KIAA0586: variants seen among roughly 807,000 people sequenced by gnomAD.
KIAA0586 encodes the protein KIAA0586.
A neutral mutation model predicts 169.8 loss-of-function variants in KIAA0586; 144 were observed. The observed-to-expected ratio is 0.85, with a 90% CI of 0.74 to 0.97. The LOEUF is 0.97. Ranked by LOEUF, KIAA0586 falls within the 50% of genes least tolerant of loss-of-function variation. KIAA0586 has a pLI of 0.00. For synonymous variants in KIAA0586, 625 were observed against 612.4 expected, an observed-to-expected ratio of 1.02 and a Z score of -0.30; for missense variants, 1,854 against 1,823.0, an observed-to-expected ratio of 1.02 and a Z score of -0.31.
intron 14 of KIAA0586, among the ~76,000 whole-genome samples, chr14:58,465,162 T>C (rs2040647252): frequency 1.3e-5 from 2 of 152,204 alleles, no homozygotes; most frequent in African/African-American, 2.4e-5. Flanking sequence ...TCCTGGGTAA[T>C]TGAGACAGGG....
intron 17 of KIAA0586, among the ~76,000 whole-genome samples, chr14:58,471,032 A>T (rs986987499): frequency 6.6e-6 from 1 of 151,928 alleles, no homozygotes; most frequent in Admixed American, 6.6e-5. Flanking sequence ...TTGTATTTTT[A>T]GTAGAGATGG....
chr14:58,515,269 G>A (rs2044671605), intron 29 of KIAA0586, among the ~76,000 whole-genome samples: 1 of 151,846 alleles, frequency 6.6e-6, no homozygotes, highest in African/African-American at 2.4e-5. Flanking sequence ...AGTGCTAAAA[G>A]TAATAGGTGT....
Position 58,450,604 on chromosome 14 carries a change from G to A in KIAA0586, c.987G>A (p.Thr329=), listed in dbSNP as rs552791846. The A allele has an allele frequency of 3.8e-5, 61 of 1,607,570 alleles. 1 individual carries two copies. The highest frequency in any genetic ancestry group is 2.1e-4 in the African/African-American group (16 of 74,626). The change falls in exon 8 of 31, where the codon ACG becomes ACA. Residue 329 remains threonine (T), a synonymous_variant. Transcript: ENST00000652326. ...KQAPLKEVED[T]SFDKQKSPLE... ...CACCTTTAAAAGAAGTTGAAGATAC[G>A]AGTTTTGATAAACAGAAATCTCCTT...
intron 23 of KIAA0586, 70 bp from the exon 24 acceptor site, chr14:58,488,551 T>C: frequency 6.5e-7 from 1 of 1,540,844 alleles, no homozygotes; most frequent in Non-Finnish European, 8.8e-7. Context: ...TTCGAGTCTG[T>C]TTTTTATATC....
intron 14 of KIAA0586, among the ~76,000 whole-genome samples, chr14:58,464,375 G>A (rs566140980): frequency 3.3e-5 from 5 of 151,620 alleles, no homozygotes; most frequent in African/African-American, 1.2e-4. Flanking sequence ...ACCTTGGTCA[G>A]TTGTACTATT....
At chr14:58,552,915 A>G (rs899390862), downstream of KIAA0586, among the ~76,000 whole-genome samples, 1 of 152,210 alleles carries the variant, frequency 6.6e-6, no homozygotes, top group African/African-American at 2.4e-5. Flanking sequence ...TTTCCTGAAC[A>G]TGGACATTTT....
At chr14:58,486,029 A>G (rs1009006658) in intron 21 of KIAA0586, among the ~76,000 whole-genome samples, 7 of 152,150 alleles carry the variant, frequency 4.6e-5, no homozygotes, top group Non-Finnish European at 8.8e-5. Context: ...GGATTGTTAT[A>G]TGGATATACT....
chr14:58,556,110 A>T (rs1350314665), downstream of KIAA0586, among the ~76,000 whole-genome samples: 2 of 152,192 alleles, frequency 1.3e-5, no homozygotes, highest in Non-Finnish European at 2.9e-5. Flanking sequence ...AAAAATATCC[A>T]CTTTGTTTCT....
intron 27 of KIAA0586, among the ~76,000 whole-genome samples, chr14:58,501,425 C>T (rs1357134596): frequency 6.6e-6 from 1 of 152,178 alleles, no homozygotes; most frequent in Non-Finnish European, 1.5e-5. Context: ...GTGGCTCTCG[C>T]AGATCACTTG....
At chr14:58,485,614 G>T (rs1163756216) in intron 21 of KIAA0586, among the ~76,000 whole-genome samples, 1 of 152,150 alleles carries the variant, frequency 6.6e-6, no homozygotes, top group Admixed American at 6.5e-5. Flanking sequence ...CTGAGGAAGG[G>T]CTCTAGGTAG....
rs113632718 is a variant in KIAA0586, at chr14:58,524,873, A to G, written c.4429+12246A>G. Among the ~76,000 whole-genome samples the G allele has an allele frequency of 3.2e-3, 484 of 152,214 alleles. 4 individuals carry two copies. The highest frequency in any genetic ancestry group is 0.011 in the African/African-American group (464 of 41,544). On this transcript the variant is annotated intron_variant, in intron 29 of 30. Transcript: ENST00000652326. ...TGGGACTGCAGGTGCGTGCCACCAC[A>G]CCCAGCTATTTTTAGTAGAGATGGG...
In KIAA0586 at chr14:58,508,613, G is replaced by A. The variant is rs746899731; in HGVS notation, c.4227G>A (p.Glu1409=). Residue 1409 remains glutamate (E), a synonymous_variant, in exon 28 of 31, where the codon GAG becomes GAA. Transcript: ENST00000652326. ...GTCCAATGAGTTTGGGAGAATTGGA[G>A]TTGGAGCCAAATTCTAAGCTGGTTC... ...SHGPMSLGEL[E]LEPNSKLVLP... is the part of the protein sequence containing the mutation. The A allele has an allele frequency of 2.5e-6, 4 of 1,598,234 alleles. No individual in the cohort carries two copies. Among genetic ancestry groups the A allele is most frequent in the South Asian group, 1.1e-5 (1 of 88,166 alleles).
In KIAA0586 at chr14:58,514,863, A is replaced by G. The variant is rs1046669269; in HGVS notation, c.4429+2236A>G. Among the ~76,000 whole-genome samples, 8 of 152,036 alleles carry G rather than the reference A, an allele frequency of 5.3e-5. No individual in the cohort carries two copies. In the East Asian group the frequency reaches 1.2e-3, roughly 22 times the overall value. ...AAAAAGTATTTGAATGGTCATTTCT[A>G]TTTTTCCCCCTTTGCTGTACAAGTT... On this transcript the variant is annotated intron_variant, in intron 29 of 30. Transcript: ENST00000652326.
Position 58,458,531 on chromosome 14 carries a change from T to C in KIAA0586, c.1642T>C (p.Ser548Pro), listed in dbSNP as rs1317752180. ...KTVDEWIKTI[S>P]AEIQDELSRT... ...AGTGGATGAATGGATTAAAACTATT[T>C]CTGCAGAAATTCAGGTATGTCTTGG... Residue 548 changes from serine (S) to proline (P), a missense_variant, in exon 12 of 31, where the codon TCT (serine) becomes CCT (proline). Transcript: ENST00000652326. The C allele has an allele frequency of 2.0e-6, 3 of 1,535,770 alleles. No homozygotes were observed. The highest frequency in any genetic ancestry group is 8.8e-7 in the Non-Finnish European group (1 of 1,135,934).
At chr14:58,448,573 C>T in intron 7 of KIAA0586, 80 bp downstream of exon 7, 2 of 973,714 alleles carry the variant, frequency 2.1e-6, no homozygotes, top group Middle Eastern at 2.3e-4. Flanking sequence ...AAACATATTT[C>T]CTGAGCAGTA....
intron 23 of KIAA0586, among the ~76,000 whole-genome samples, 173 bp from the exon 24 acceptor site, chr14:58,488,448 G>T (rs1041314783): frequency 6.6e-6 from 1 of 151,922 alleles, no homozygotes; most frequent in African/African-American, 2.4e-5. Flanking sequence ...TTTCAAGATG[G>T]CCTATGATTA....
Position 58,472,205 on chromosome 14 carries a change from G to A in KIAA0586, c.2560G>A (p.Glu854Lys). 6.4e-7 allele frequency: 1 copy of A among 1,569,548 alleles called. No homozygotes were observed. The highest frequency in any genetic ancestry group is 2.3e-5 in the East Asian group (1 of 42,946). ...PPVQTWIKTP[E>K]IMKVDEEEVK... Reference sequence around the variant, plus strand: ...TCTGAAAATGCTTTCTTAGACTCCAGAAATTATGAAGGTAGATGAAGAAGA... The same window carrying A: ...TCTGAAAATGCTTTCTTAGACTCCAAAAATTATGAAGGTAGATGAAGAAGA... The change falls in exon 18 of 31, where the codon GAA (glutamate) becomes AAA (lysine). Residue 854 changes from glutamate (E) to lysine (K), a missense_variant. Glu to Lys is a moderately conservative substitution (Grantham distance 56, BLOSUM62 1). Coordinates refer to ENST00000652326, the MANE Select transcript of KIAA0586 (RefSeq NM_001329943.3).
intron 29 of KIAA0586, among the ~76,000 whole-genome samples, chr14:58,512,860 C>G (rs2044487195): frequency 6.6e-6 from 1 of 152,046 alleles, no homozygotes; most frequent in Non-Finnish European, 1.5e-5. Flanking sequence ...TAGCTGGTGT[C>G]TTTCCTTTAC....
intron 21 of KIAA0586, among the ~76,000 whole-genome samples, chr14:58,484,650 CTT>C (rs2042243560): frequency 6.6e-6 from 1 of 150,384 alleles, no homozygotes; most frequent in African/African-American, 2.4e-5. Context: ...GAAAATAACA[CTT>C]ATATGCTATA....
Sources: allele counts gnomAD v4.1 joint callset (sites outside exome capture counted in the v4.1 genomes callset), GRCh38; gene constraint gnomAD v4.1.1; transcripts MANE v1.5; gene names NCBI Gene and HGNC (gene_info 2026-07-23, HGNC 2026-07-21).